The following PLAC8 variants were observed in gnomAD, a reference collection of about 807,000 sequenced individuals.
PLAC8 encodes placenta associated 8.
A neutral mutation model predicts 12.6 loss-of-function variants in PLAC8; 6 were observed. The ratio of observed to expected loss-of-function variants is 0.48; its 90% confidence interval spans 0.26 to 0.94. PLAC8 has a LOEUF of 0.94. Ranked by LOEUF, PLAC8 falls within the 40% of genes least tolerant of loss-of-function variation. PLAC8 has a pLI of 0.14. For synonymous variants in PLAC8, 54 were observed against 52.6 expected, an observed-to-expected ratio of 1.03 and a Z score of -0.11; for missense variants, 122 against 152.7, an observed-to-expected ratio of 0.80 and a Z score of 1.06.
chr4:83,104,910 G>C lies in PLAC8; in HGVS notation c.229C>G (p.Arg77Gly), dbSNP rs760878837. The C allele has an allele frequency of 6.2e-7, 1 of 1,613,976 alleles. No homozygotes were observed. The highest frequency in any genetic ancestry group is 8.5e-7 in the Non-Finnish European group (1 of 1,179,948). ...AAGAGACTCACAGGGATGCCATATC[G>C]GGTCCTGTAGAGAGTCCTCATTGCG... The part of the protein sequence containing the change: ...SVAMRTLYRT[R>G]YGIPGSICDD... Residue 77 changes from arginine to glycine, a missense_variant, in exon 3 of 5, where the codon CGA (arginine) becomes GGA (glycine). Coordinates refer to ENST00000311507, the MANE Select transcript of PLAC8 (RefSeq NM_016619.3).
intron 1 of PLAC8, among the ~76,000 whole-genome samples, chr4:83,112,207 TATATATATATGTATA>T (rs1732440651): frequency 1.8e-4 from 1 of 5,448 alleles, no homozygotes; most frequent in South Asian, 9.3e-3. Flanking sequence ...TATATATGTA[TATATATATATGTATA>T]TATATATATA....
chr4:83,094,830 A>C, intron 3 of PLAC8, 39 bp from the exon 4 acceptor site: 1 of 1,265,996 alleles, frequency 7.9e-7, no homozygotes, highest in Non-Finnish European at 1.1e-6. Flanking sequence ...TATAAAATTC[A>C]CCTATTTGGA....
intron 1 of PLAC8, among the ~76,000 whole-genome samples, chr4:83,108,605 C>T (rs1258153897): frequency 2.6e-5 from 4 of 152,090 alleles, no homozygotes; most frequent in African/African-American, 9.7e-5. Context: ...ACAAAACCCC[C>T]CAAAACAAAA....
intron 1 of PLAC8, among the ~76,000 whole-genome samples, chr4:83,108,991 G>C (rs1732337404): frequency 6.6e-6 from 1 of 152,150 alleles, no homozygotes; most frequent in South Asian, 2.1e-4. Flanking sequence ...TGTGGTAGGG[G>C]CAGTTTATTA....
At chr4:83,105,385 G>A (rs1056085456) in intron 2 of PLAC8, among the ~76,000 whole-genome samples, 11 of 152,318 alleles carry the variant, frequency 7.2e-5, no homozygotes, top group Non-Finnish European at 1.2e-4. Flanking sequence ...CAACAGAAAC[G>A]TGTTTGAAAT....
intron 3 of PLAC8, among the ~76,000 whole-genome samples, chr4:83,102,488 G>C (rs373400000): frequency 1.3e-5 from 2 of 152,150 alleles, no homozygotes; most frequent in Non-Finnish European, 2.9e-5. Flanking sequence ...GCAGTGAGCC[G>C]AGACGGCGCC....
At chr4:83,107,768 G>T in intron 2 of PLAC8, 36 bp downstream of exon 2, 2 of 1,283,172 alleles carry the variant, frequency 1.6e-6, no homozygotes, top group Non-Finnish European at 2.2e-6. Context: ...ATTCACCTCG[G>T]TATCAAATAA....
intron 2 of PLAC8, among the ~76,000 whole-genome samples, chr4:83,107,200 CAAAAACAAACAA>C (rs1224950383): frequency 2.8e-5 from 2 of 71,782 alleles, no homozygotes; most frequent in African/African-American, 7.9e-5. Context: ...GACTTCGTCT[CAAAAACAAACAA>C]AAAAAAAAAA....
intron 2 of PLAC8, among the ~76,000 whole-genome samples, chr4:83,107,363 G>C (rs78754180): frequency 6.6e-6 from 1 of 151,966 alleles, no homozygotes; most frequent in Non-Finnish European, 1.5e-5. Flanking sequence ...TGGAAACCAT[G>C]AATCTAACCC....
At chr4:83,092,879 T>A (rs1299177558) in intron 4 of PLAC8, 4 of 143,076 alleles carry the variant, frequency 2.8e-5, no homozygotes, top group Non-Finnish European at 6.1e-5. Flanking sequence ...TCACTGCAGC[T>A]TCTACCTCCC....
intron 4 of PLAC8, among the ~76,000 whole-genome samples, chr4:83,092,523 G>A (rs1461551816): frequency 6.6e-6 from 1 of 151,940 alleles, no homozygotes; most frequent in Non-Finnish European, 1.5e-5. Context: ...TTATAGGCAT[G>A]AGCCACCATG....
intron 3 of PLAC8, among the ~76,000 whole-genome samples, chr4:83,098,674 G>A (rs191490578): frequency 1.3e-3 from 203 of 152,230 alleles, no homozygotes; most frequent in Non-Finnish European, 2.2e-3. Flanking sequence ...GATTCAGCTG[G>A]CTTCATGCTA....
intron 3 of PLAC8, among the ~76,000 whole-genome samples, chr4:83,101,892 C>G (rs1017895004): frequency 6.6e-6 from 1 of 152,136 alleles, no homozygotes; most frequent in Non-Finnish European, 1.5e-5. Flanking sequence ...GATGACAGCA[C>G]GTGTTGACAG....
At chr4:83,100,824 G>A (rs991394813) in intron 3 of PLAC8, among the ~76,000 whole-genome samples, 8 of 152,210 alleles carry the variant, frequency 5.3e-5, no homozygotes, top group Admixed American at 2.6e-4. Context: ...TGAAACCAGA[G>A]AGAGGCTGAA....
chr4:83,103,670 T>TTTTTG (rs1446363937), intron 3 of PLAC8, among the ~76,000 whole-genome samples: 1 of 148,542 alleles, frequency 6.7e-6, no homozygotes, highest in African/African-American at 2.6e-5. Flanking sequence ...TTGTTTTTTG[T>TTTTTG]TTTTGTTTTG....
chr4:83,111,262 C>T (rs1732417375), intron 1 of PLAC8, among the ~76,000 whole-genome samples: 1 of 152,180 alleles, frequency 6.6e-6, no homozygotes, highest in Admixed American at 6.5e-5. Flanking sequence ...AGCCACCACC[C>T]ATGGCCGATA....
At chr4:83,091,344 A>G (rs1238664740) in intron 4 of PLAC8, among the ~76,000 whole-genome samples, 1 of 152,094 alleles carries the variant, frequency 6.6e-6, no homozygotes, top group Non-Finnish European at 1.5e-5. Flanking sequence ...CTTGTTTTTG[A>G]TGACCCTGAC....
intron 1 of PLAC8, among the ~76,000 whole-genome samples, chr4:83,110,770 G>A (rs890076194): frequency 2.6e-5 from 4 of 152,204 alleles, no homozygotes; most frequent in African/African-American, 9.7e-5. Flanking sequence ...TACTAACATG[G>A]TCGAAACCAT....
chr4:83,106,486 T>G (rs1241934436), intron 2 of PLAC8, among the ~76,000 whole-genome samples: 1 of 151,878 alleles, frequency 6.6e-6, no homozygotes, highest in African/African-American at 2.4e-5. Context: ...GGTGTGGTTG[T>G]GCGTGCCTGT....
Sources: gnomAD v4.1 joint callset for allele counts (sites outside exome capture counted in the v4.1 genomes callset) on GRCh38, gnomAD v4.1.1 for gene constraint, MANE v1.5 for transcripts, NCBI Gene and HGNC (gene_info 2026-07-23, HGNC 2026-07-21) for gene names.